Variants in COL5A2 observed in about 807,000 individuals in gnomAD.
COL5A2 encodes collagen alpha-2(V) chain.
A neutral mutation model predicts 208.2 loss-of-function variants in COL5A2; 23 were observed. The observed-to-expected ratio is 0.11, with a 90% confidence interval of 0.08 to 0.16. The LOEUF is 0.16. Ranked by LOEUF, COL5A2 falls within the 10% of genes least tolerant of loss-of-function variation. COL5A2 has a pLI of 1.00. For missense variants in COL5A2, 1,590 were observed against 1,956.4 expected (o/e 0.81, Z 3.53); for synonymous variants, 625 against 628.5 (o/e 0.99, Z 0.08).
At chr2:189,248,648 T>C in the COL5A2 span, among the ~76,000 whole-genome samples, 1 of 152,176 alleles carries the variant, frequency 6.6e-6, no homozygotes, top group Non-Finnish European at 1.5e-5. Context: ...TTGTAATATG[T>C]GGCTTTTAAA....
intron 1 of COL5A2, among the ~76,000 whole-genome samples, chr2:189,169,585 G>A: frequency 6.6e-6 from 1 of 152,132 alleles, no homozygotes; most frequent in Middle Eastern, 3.4e-3. Flanking sequence ...TATAAAAATT[G>A]CATTTTAAAA....
chr2:189,034,541 C>T (rs1396468725), intron 53 of COL5A2, among the ~76,000 whole-genome samples: 1 of 151,820 alleles, frequency 6.6e-6, no homozygotes, highest in African/African-American at 2.4e-5. Flanking sequence ...AATATGCAAG[C>T]GGGGAGACTT....
chr2:189,191,700 A>G (rs1347738594), intron 1 of COL5A2, among the ~76,000 whole-genome samples: 4 of 152,110 alleles, frequency 2.6e-5, no homozygotes, highest in Non-Finnish European at 5.9e-5. Context: ...AACCTTAACA[A>G]TACTTTCATC....
intron 18 of COL5A2, among the ~76,000 whole-genome samples, chr2:189,070,757 AT>A (rs1232163267): frequency 6.6e-6 from 1 of 152,116 alleles, no homozygotes; most frequent in Non-Finnish European, 1.5e-5. Flanking sequence ...GGGATTTTGC[AT>A]GTTTTGATAG....
the COL5A2 span, among the ~76,000 whole-genome samples, chr2:189,308,240 A>AC: frequency 7.0e-6 from 1 of 143,142 alleles, no homozygotes. Flanking sequence ...TCCAAAATAA[A>AC]CCGGTTCAGG....
chr2:189,063,974 A>C lies in COL5A2; in HGVS notation c.1770+6T>G. The C allele has an allele frequency of 6.2e-7, 1 of 1,610,444 alleles. No homozygotes were observed. Among genetic ancestry groups the C allele is most frequent in the Non-Finnish European group, 8.5e-7 (1 of 1,177,068 alleles). ...GTGGTTGTGGACTTCTGTTTAAATTACTTACCAAAGGTCCAAGTTTTCCTT... is the reference window on the plus strand; with the variant it reads ...GTGGTTGTGGACTTCTGTTTAAATTCCTTACCAAAGGTCCAAGTTTTCCTT... On this transcript the variant is annotated splice_donor_region_variant and intron_variant, in intron 26 of 53. Coordinates refer to ENST00000374866, the MANE Select transcript of COL5A2 (RefSeq NM_000393.5).
chr2:189,132,749 C>G (rs62182416), intron 1 of COL5A2, among the ~76,000 whole-genome samples: 1 of 151,488 alleles, frequency 6.6e-6, no homozygotes. Flanking sequence ...GGTGAAACCC[C>G]GTCTCTACTA....
In COL5A2 at chr2:189,064,666, G is replaced by A; in HGVS notation, c.1618-11C>T. The A allele has an allele frequency of 1.3e-6, 2 of 1,582,646 alleles. No individual in the cohort carries two copies. The highest frequency in any genetic ancestry group is 1.7e-6 in the Non-Finnish European group (2 of 1,151,600). On this transcript the variant is annotated splice_polypyrimidine_tract_variant and intron_variant, in intron 24 of 53. Transcript: ENST00000374866. Reference sequence around the variant, plus strand: ...TTCTCCTTGAGCACCCTGTACCGAGGCAAAGCAGATGCATGAAGAAAAAGA... The same window carrying A: ...TTCTCCTTGAGCACCCTGTACCGAGACAAAGCAGATGCATGAAGAAAAAGA...
chr2:189,126,965 A>C (rs552454097), intron 1 of COL5A2, among the ~76,000 whole-genome samples: 3 of 152,220 alleles, frequency 2.0e-5, no homozygotes, highest in African/African-American at 7.2e-5. Context: ...TATCCTAATT[A>C]GGAAGACAAT....
At chr2:189,411,952 C>T in the COL5A2 span, among the ~76,000 whole-genome samples, 1 of 152,078 alleles carries the variant, frequency 6.6e-6, no homozygotes, top group Non-Finnish European at 1.5e-5. Context: ...AGGCCCTTTT[C>T]TATGGAAAGG....
the COL5A2 span, among the ~76,000 whole-genome samples, chr2:189,252,746 T>A: frequency 1.8e-5 from 1 of 55,966 alleles, no homozygotes; most frequent in African/African-American, 4.7e-5. Context: ...ATGTACCCTA[T>A]TAAAGTATAA....
intron 1 of COL5A2, among the ~76,000 whole-genome samples, chr2:189,189,414 T>C (rs1354147784): frequency 6.6e-6 from 1 of 152,184 alleles, no homozygotes; most frequent in Non-Finnish European, 1.5e-5. Flanking sequence ...TTTAAAAATA[T>C]ATGATGCCCC....
the COL5A2 span, among the ~76,000 whole-genome samples, chr2:189,377,966 A>G: frequency 6.6e-6 from 1 of 152,232 alleles, no homozygotes; most frequent in Admixed American, 6.5e-5. Flanking sequence ...TTAAGGGTAT[A>G]AATAGCACCC....
At chr2:189,398,984 C>T in the COL5A2 span, among the ~76,000 whole-genome samples, 1 of 152,054 alleles carries the variant, frequency 6.6e-6, no homozygotes, top group African/African-American at 2.4e-5. Context: ...TAATTGAATT[C>T]CATAAATTCT....
the COL5A2 span, among the ~76,000 whole-genome samples, chr2:189,370,454 T>C: frequency 4.6e-5 from 7 of 152,314 alleles, 1 homozygote; most frequent in African/African-American, 1.7e-4. Context: ...AAACTTGTCA[T>C]AACAGCAACA....
At chr2:189,164,019 G>T (rs570512792) in intron 1 of COL5A2, among the ~76,000 whole-genome samples, 1 of 152,116 alleles carries the variant, frequency 6.6e-6, no homozygotes, top group Non-Finnish European at 1.5e-5. Context: ...ATCTTTAACT[G>T]CATGTTTCTC....
chr2:189,416,298 C>T, the COL5A2 span, among the ~76,000 whole-genome samples: 1 of 152,166 alleles, frequency 6.6e-6, no homozygotes, highest in Non-Finnish European at 1.5e-5. Flanking sequence ...ATAGCAAAGA[C>T]TTGGAACCAA....
At chr2:189,117,637 C>A (rs928476775) in intron 1 of COL5A2, among the ~76,000 whole-genome samples, 1 of 151,980 alleles carries the variant, frequency 6.6e-6, no homozygotes, top group Non-Finnish European at 1.5e-5. Flanking sequence ...CTGGTCTTAG[C>A]TCAAATGTTA....
intron 1 of COL5A2, among the ~76,000 whole-genome samples, chr2:189,126,544 G>A (rs886278672): frequency 6.6e-6 from 1 of 152,050 alleles, no homozygotes. Context: ...AGAGGAAAGA[G>A]GAAATCAGCT....
Sources: allele counts gnomAD v4.1 joint callset (sites outside exome capture counted in the v4.1 genomes callset), GRCh38; gene constraint gnomAD v4.1.1; transcripts MANE v1.5; gene names NCBI Gene and HGNC (gene_info 2026-07-23, HGNC 2026-07-21).